The following EYS variants were observed in gnomAD, a reference collection of about 807,000 sequenced individuals.
EYS encodes the protein EGF-like photoreceptor maintenance factor.
In EYS, 250 loss-of-function variants were observed where a neutral mutation model predicts 282.1. That is an observed-to-expected ratio of 0.89 (90% CI 0.80 to 0.98). The LOEUF is 0.98. EYS is among the 50% of genes least tolerant of loss of function. The pLI is 0.00. For missense variants in EYS, 4,016 were observed against 3,709.0 expected, an observed-to-expected ratio of 1.08 and a Z score of -2.15; for synonymous variants, 1,355 against 1,282.9, an observed-to-expected ratio of 1.06 and a Z score of -1.20.
At chr6:65,645,966 G>C (rs1259023310) in intron 1 of EYS, among the ~76,000 whole-genome samples, 2 of 152,010 alleles carry the variant, frequency 1.3e-5, no homozygotes, top group Non-Finnish European at 2.9e-5. Flanking sequence ...AACTCTCCTA[G>C]AATATACCAG....
At chr6:65,700,078 G>T (rs955626351) in intron 1 of EYS, among the ~76,000 whole-genome samples, 2 of 125,220 alleles carry the variant, frequency 1.6e-5, no homozygotes, top group African/African-American at 6.4e-5. Flanking sequence ...TCGTGCCACT[G>T]CACTCCAGGC....
intron 2 of EYS, among the ~76,000 whole-genome samples, chr6:65,588,646 G>A (rs1765133925): frequency 6.6e-6 from 1 of 152,008 alleles, no homozygotes; most frequent in South Asian, 2.1e-4. Context: ...CTTTCTCAAA[G>A]AAAGATCATT....
intron 2 of EYS, among the ~76,000 whole-genome samples, chr6:65,568,492 AG>A (rs1279794283): frequency 2.0e-5 from 3 of 152,246 alleles, no homozygotes; most frequent in Admixed American, 1.3e-4. Context: ...CAAGAGCCCA[AG>A]GCCCCCTCAC....
At chr6:63,796,089 T>C (rs745532631) in intron 37 of EYS, among the ~76,000 whole-genome samples, 1 of 152,172 alleles carries the variant, frequency 6.6e-6, no homozygotes, top group Non-Finnish European at 1.5e-5. Context: ...TTATTAAAGA[T>C]GTAATTCAAG....
chr6:65,335,273 C>T, intron 10 of EYS, 127 bp from the exon 11 acceptor site: 1 of 732,238 alleles, frequency 1.4e-6, no homozygotes, highest in East Asian at 2.7e-5. Flanking sequence ...GTTAAGGAAA[C>T]AGAAGGTAAC....
At chr6:65,546,930 C>T (rs1449987181) in intron 2 of EYS, among the ~76,000 whole-genome samples, 1 of 151,962 alleles carries the variant, frequency 6.6e-6, no homozygotes, top group Non-Finnish European at 1.5e-5. Flanking sequence ...GCAGCATTTG[C>T]CGTTAAGTTT....
chr6:65,040,626 T>TCA (rs1772905257), intron 13 of EYS, among the ~76,000 whole-genome samples: 1 of 151,744 alleles, frequency 6.6e-6, no homozygotes, highest in Non-Finnish European at 1.5e-5. Context: ...ACTCACTTGA[T>TCA]GCCTCTTTTA....
intron 33 of EYS, among the ~76,000 whole-genome samples, chr6:64,005,079 C>T (rs1313923844): frequency 6.6e-6 from 1 of 152,210 alleles, no homozygotes; most frequent in African/African-American, 2.4e-5. Context: ...ACATTCCCTG[C>T]AGCAGTGTAT....
intron 36 of EYS, among the ~76,000 whole-genome samples, chr6:63,812,265 G>C (rs1771067144): frequency 6.6e-6 from 1 of 151,998 alleles, no homozygotes; most frequent in Admixed American, 6.6e-5. Context: ...CCAGTTCAAG[G>C]CTTCTGCTCC....
intron 5 of EYS, among the ~76,000 whole-genome samples, chr6:65,483,413 T>C (rs896466087): frequency 1.3e-5 from 2 of 152,096 alleles, no homozygotes; most frequent in African/African-American, 4.8e-5. Context: ...AAAATTCTGT[T>C]TGGAAGGAAA....
intron 30 of EYS, among the ~76,000 whole-genome samples, chr6:64,306,368 C>A (rs190509854): frequency 1.3e-5 from 2 of 152,152 alleles, no homozygotes; most frequent in South Asian, 2.1e-4. Context: ...CAAAATAACC[C>A]CTTTTATAAG....
At chr6:64,459,156 A>G (rs906076578) in intron 26 of EYS, among the ~76,000 whole-genome samples, 1 of 152,240 alleles carries the variant, frequency 6.6e-6, no homozygotes, top group Admixed American at 6.5e-5. Context: ...TAGCAAGTTC[A>G]TAATAATTTG....
chr6:65,476,567 G>A (rs915308253), intron 5 of EYS, among the ~76,000 whole-genome samples: 5 of 151,236 alleles, frequency 3.3e-5, no homozygotes, highest in Non-Finnish European at 2.9e-5. Context: ...TTTATTACAA[G>A]CTATTTCTAA....
chr6:65,167,414 G>C (rs1037445903), intron 12 of EYS, among the ~76,000 whole-genome samples: 4 of 151,224 alleles, frequency 2.6e-5, no homozygotes, highest in Non-Finnish European at 4.4e-5. Context: ...AACTTTGTGA[G>C]TTTTCTATAA....
chr6:64,350,865 G>C (rs1173228849), intron 29 of EYS, among the ~76,000 whole-genome samples: 1 of 151,430 alleles, frequency 6.6e-6, no homozygotes, highest in Non-Finnish European at 1.5e-5. Context: ...AGTTCATGGG[G>C]CCCTGTCCCC....
intron 2 of EYS, among the ~76,000 whole-genome samples, chr6:65,623,229 C>A (rs574844862): frequency 5.9e-5 from 9 of 152,256 alleles, no homozygotes; most frequent in Non-Finnish European, 1.2e-4. Context: ...GTAATTTTCT[C>A]AATCTCCATT....
chr6:65,423,789 A>G (rs1487195432), intron 5 of EYS, among the ~76,000 whole-genome samples: 1 of 151,666 alleles, frequency 6.6e-6, no homozygotes, highest in African/African-American at 2.4e-5. Flanking sequence ...CTTTCATAAT[A>G]TTTTCCTGAG....
At chr6:64,211,321 C>A (rs1317296971) in intron 31 of EYS, among the ~76,000 whole-genome samples, 1 of 152,130 alleles carries the variant, frequency 6.6e-6, no homozygotes, top group Non-Finnish European at 1.5e-5. Flanking sequence ...TTTAGGTAAT[C>A]TGAAGGATCA....
At chr6:64,866,227 C>T (rs1449170031) in intron 19 of EYS, among the ~76,000 whole-genome samples, 1 of 151,860 alleles carries the variant, frequency 6.6e-6, no homozygotes, top group Admixed American at 6.6e-5. Flanking sequence ...TTGGAATTTA[C>T]TGATACTGGA....
Sources: gnomAD v4.1 joint callset for allele counts (sites outside exome capture counted in the v4.1 genomes callset) on GRCh38, gnomAD v4.1.1 for gene constraint, MANE v1.5 for transcripts, NCBI Gene and HGNC (gene_info 2026-07-23, HGNC 2026-07-21) for gene names.